AGO1: variants seen among roughly 807,000 people sequenced by gnomAD.
AGO1 encodes the protein argonaute RISC component 1.
AGO1 carries 11 observed loss-of-function variants against 109.2 expected under a neutral mutation model. The ratio of observed to expected loss-of-function variants is 0.10; its 90% CI spans 0.06 to 0.17. The LOEUF is 0.17. Ranked by LOEUF, AGO1 falls within the 10% of genes least tolerant of loss-of-function variation. The pLI, the probability that AGO1 is intolerant of heterozygous loss-of-function variation, is 1.00. For synonymous variants in AGO1, 422 were observed against 418.6 expected, an observed-to-expected ratio of 1.01 and a Z score of -0.10; for missense variants, 574 against 1,140.3, an observed-to-expected ratio of 0.50 and a Z score of 7.15.
chr1:35,879,309 G>C (rs551410855), upstream of AGO1, among the ~76,000 whole-genome samples: 4 of 151,982 alleles, frequency 2.6e-5, no homozygotes, highest in Non-Finnish European at 5.9e-5. Flanking sequence ...TTAGCCAGGT[G>C]TGGTGGTGCA....
rs1275859576 is a variant in AGO1, at chr1:35,893,241, G to T, written c.475G>T (p.Ala159Ser). The change falls in exon 4 of 19, where the codon GCC becomes TCC. Residue 159 changes from alanine to serine, a missense_variant. Ala to Ser is a moderately conservative substitution (Grantham distance 99). Coordinates refer to ENST00000373204, the MANE Select transcript of AGO1 (RefSeq NM_012199.5). The surrounding 1 kb of genome is among the most constrained non-coding windows in gnomAD (Gnocchi z 5.6). The part of the protein sequence containing the change: ...QIPVPLESVQ[A>S]LDVAMRHLAS... Reference sequence around the variant, plus strand: ...CCCTGTTCCCTTGGAGTCTGTGCAAGCCCTGGATGTGGCCATGAGGCACCT... The same window carrying T: ...CCCTGTTCCCTTGGAGTCTGTGCAATCCCTGGATGTGGCCATGAGGCACCT... The T allele has an allele frequency of 6.2e-7, 1 of 1,614,076 alleles. No individual in the cohort carries two copies. Among genetic ancestry groups the T allele is most frequent in the Non-Finnish European group, 8.5e-7 (1 of 1,179,978 alleles).
intron 8 of AGO1, among the ~76,000 whole-genome samples, chr1:35,895,941 A>C (rs2148712635): frequency 6.6e-6 from 1 of 152,288 alleles, no homozygotes; most frequent in East Asian, 1.9e-4. Flanking sequence ...TAGGATAGGC[A>C]TTACCTGAGA....
At position 35,893,114 on chromosome 1, in the gene AGO1, A is replaced by G; in HGVS notation, c.348A>G (p.Thr116=). ...TCCTGAAGGTCGACTTTGAGGTGACAATCCCTGGGGAAGGGAAGGATCGAA... is the reference window on the plus strand; with the variant it reads ...TCCTGAAGGTCGACTTTGAGGTGACGATCCCTGGGGAAGGGAAGGATCGAA... ...IGNERVDFEV[T]IPGEGKDRIF... is the part of the protein sequence containing the mutation. Residue 116 remains threonine, a synonymous_variant, in exon 4 of 19, where the codon ACA becomes ACG. Transcript: ENST00000373204. This position sits in a 1 kb window ranked among gnomAD's most constrained non-coding sequence, Gnocchi z 5.6. 4 of 1,614,052 alleles carry G rather than the reference A, an allele frequency of 2.5e-6. No individual in the cohort carries two copies. Among genetic ancestry groups the G allele is most frequent in the Non-Finnish European group, 3.4e-6 (4 of 1,179,968 alleles).
chr1:35,888,390 G>GCCAGACTTTACCCTCA lies in AGO1; in HGVS notation c.26-32_26-17dup. 6.2e-7 allele frequency: 1 copy of GCCAGACTTTACCCTCA among 1,606,192 alleles called. No homozygotes were observed. Among genetic ancestry groups the GCCAGACTTTACCCTCA allele is most frequent in the South Asian group, 1.1e-5 (1 of 90,214 alleles). Reference sequence around the variant, plus strand: ...CTCTGATAAGAGTAGTTAGGAGATTGCCAGACTTTACCCTCACCAGCCTCT... The same window carrying GCCAGACTTTACCCTCA: ...CTCTGATAAGAGTAGTTAGGAGATTGCCAGACTTTACCCTCACCAGACTTTACCCTCACCAGCCTCT... On this transcript the variant is annotated intron_variant, in intron 1 of 18. Coordinates refer to ENST00000373204, the MANE Select transcript of AGO1 (RefSeq NM_012199.5). The surrounding 1 kb of genome is among the most constrained non-coding windows in gnomAD (Gnocchi z 4.1).
At chr1:35,905,006 C>T (rs1045111638) in intron 11 of AGO1, among the ~76,000 whole-genome samples, 2 of 152,064 alleles carry the variant, frequency 1.3e-5, no homozygotes. Flanking sequence ...TTTTTTCTGG[C>T]TAAAGAGGCC....
chr1:35,889,364 C>G (rs1447060939), intron 2 of AGO1, among the ~76,000 whole-genome samples: 1 of 151,762 alleles, frequency 6.6e-6, no homozygotes, highest in Non-Finnish European at 1.5e-5. Flanking sequence ...CATCTGCCAC[C>G]ATGCCTGGCT....
intron 8 of AGO1, among the ~76,000 whole-genome samples, 188 bp downstream of exon 8, chr1:35,895,457 C>G (rs1391865899): frequency 6.6e-6 from 1 of 152,178 alleles, no homozygotes; most frequent in Non-Finnish European, 1.5e-5. Flanking sequence ...ATCCTACTCT[C>G]ATGTTCTTTC....
chr1:35,875,577 T>C (rs1319101635), intron 1 of AGO1, among the ~76,000 whole-genome samples: 1 of 151,916 alleles, frequency 6.6e-6, no homozygotes, highest in African/African-American at 2.4e-5. Flanking sequence ...TCATGCATGG[T>C]TAATTTGTGT....
At chr1:35,906,844 T>G (rs961659482) in intron 11 of AGO1, 91 bp from the exon 12 acceptor site, 1 of 1,116,312 alleles carries the variant, frequency 9.0e-7, no homozygotes, top group Non-Finnish European at 1.3e-6. Flanking sequence ...TCAGTGCCTC[T>G]TATAGTGCTA....
At chr1:35,871,114 G>A (rs1644946236) in intron 1 of AGO1, among the ~76,000 whole-genome samples, 2 of 152,300 alleles carry the variant, frequency 1.3e-5, no homozygotes, top group African/African-American at 2.4e-5. Context: ...GGGTGTGCAC[G>A]TCTTCAACTT....
At chr1:35,879,734 CAA>C (rs71034705), upstream of AGO1, among the ~76,000 whole-genome samples, 25 of 57,498 alleles carry the variant, frequency 4.3e-4, no homozygotes, top group African/African-American at 1.5e-3. Context: ...GGTTCTGTCT[CAA>C]AAAAAAAAAA....
chr1:35,879,330 C>T (rs1227789563), upstream of AGO1, among the ~76,000 whole-genome samples: 2 of 151,994 alleles, frequency 1.3e-5, no homozygotes, highest in Admixed American at 1.3e-4. Context: ...TGCCTGCAAT[C>T]CCAGCTACTT....
At chr1:35,909,935 T>C (rs1004872095) in intron 12 of AGO1, among the ~76,000 whole-genome samples, 3 of 152,046 alleles carry the variant, frequency 2.0e-5, no homozygotes, top group Non-Finnish European at 2.9e-5. Flanking sequence ...ATGTTTTGGC[T>C]TGGGAATGGT....
chr1:35,883,306 GGT>G lies in AGO1; in HGVS notation c.-115_-114del. 6.7e-7 allele frequency: 1 copy of G among 1,482,614 alleles called. No homozygotes were observed. Among genetic ancestry groups the G allele is most frequent in the Non-Finnish European group, 8.9e-7 (1 of 1,121,732 alleles). 91.8% of individuals were successfully genotyped at this position (1,482,614 alleles called of 1,614,324 possible). ...GGCGGCGGCGCGAGCGGCCGGGCTTGGTAGGGGAGCCGAGCCCGGCCCGGGAT... is the reference window on the plus strand; with the variant it reads ...GGCGGCGGCGCGAGCGGCCGGGCTTGAGGGGAGCCGAGCCCGGCCCGGGAT... On this transcript the variant is annotated 5_prime_UTR_variant, in exon 1 of 19. Coordinates refer to ENST00000373204, the MANE Select transcript of AGO1 (RefSeq NM_012199.5). The surrounding 1 kb of genome is among the most constrained non-coding windows in gnomAD (Gnocchi z 5.4).
rs1645840255 is a variant in AGO1 at position 35,921,912 on chromosome 1, T to TC, written c.*2307dup. The TC allele has an allele frequency of 6.5e-6, 1 of 152,696 alleles. No homozygotes were observed. The highest frequency in any genetic ancestry group is 6.5e-5 in the Admixed American group (1 of 15,286). 9.5% of individuals were successfully genotyped at this position (152,696 alleles called of 1,614,324 possible). On this transcript the variant is annotated 3_prime_UTR_variant, in exon 19 of 19. Coordinates refer to ENST00000373204, the MANE Select transcript of AGO1 (RefSeq NM_012199.5). The stretch of plus-strand genomic sequence containing the variant: ...TGCCTAAAGAGAGTGATGCTAACAC[T>TC]CCATCTGCCCTGTCCATTGCCTTCA...
upstream of AGO1, among the ~76,000 whole-genome samples, chr1:35,880,701 C>G (rs962271944): frequency 2.0e-5 from 3 of 152,160 alleles, no homozygotes; most frequent in South Asian, 6.2e-4. Context: ...GCTTTGTCAC[C>G]CAGGCTGGAG....
rs533693802 is a variant in AGO1 at position 35,903,098 on chromosome 1, C to T, written c.1397+761C>T. ...TTGGCTCACTGCAAGCTCCACCTCC[C>T]GGGTTTCACGCCATTCTCCTGCCTC... On this transcript the variant is annotated intron_variant, in intron 11 of 18. Transcript: ENST00000373204. Among the ~76,000 whole-genome samples, 357 of 151,334 alleles carry T rather than the reference C, an allele frequency of 2.4e-3. 1 individual carries two copies. Among genetic ancestry groups the T allele is most frequent in the Non-Finnish European group, 4.4e-3 (297 of 67,844 alleles).
chr1:35,878,919 G>T (rs1319918644), upstream of AGO1, among the ~76,000 whole-genome samples: 5 of 151,282 alleles, frequency 3.3e-5, no homozygotes, highest in Non-Finnish European at 7.4e-5. Flanking sequence ...CATTAAAAGA[G>T]GAAAATGTAG....
At chr1:35,887,057 A>C (rs1434226033) in intron 1 of AGO1, among the ~76,000 whole-genome samples, 1 of 152,178 alleles carries the variant, frequency 6.6e-6, no homozygotes, top group African/African-American at 2.4e-5. Flanking sequence ...GCTAGTAGAT[A>C]GGTTTTCCCT....
Sources: allele counts gnomAD v4.1 joint callset (sites outside exome capture counted in the v4.1 genomes callset), GRCh38; gene constraint gnomAD v4.1.1; non-coding constraint Gnocchi (gnomAD v3.1); transcripts MANE v1.5; gene names NCBI Gene and HGNC (gene_info 2026-07-23, HGNC 2026-07-21).